The following CDHR5 variants were observed in gnomAD, a reference collection of about 807,000 sequenced individuals.
The protein encoded by CDHR5 is cadherin-related family member 5.
In CDHR5, 82 loss-of-function variants were observed where a neutral mutation model predicts 69.5. The ratio of observed to expected loss-of-function variants is 1.18; its 90% CI spans 0.99 to 1.42. The LOEUF is 1.42. Ranked by LOEUF, CDHR5 falls within the 40% of genes most tolerant of loss-of-function variation. CDHR5 has a pLI of 0.00. For missense variants in CDHR5, 1,293 were observed against 1,168.9 expected (o/e 1.11, Z -1.55); for synonymous variants, 601 against 510.2 (o/e 1.18, Z -2.40).
rs1053842739 is a variant in CDHR5, at chr11:621,036, C to A, written c.789+44G>T. 2.8e-6 allele frequency: 4 copies of A among 1,437,524 alleles called. No individual in the cohort carries two copies. In the African/African-American group the frequency reaches 4.3e-5, roughly 15 times the overall value. 89.0% of individuals were successfully genotyped at this position (1,437,524 alleles called of 1,614,324 possible). On this transcript the variant is annotated intron_variant, in intron 7 of 14. Coordinates refer to ENST00000397542, the MANE Select transcript of CDHR5 (RefSeq NM_021924.5). The surrounding 1 kb of genome is among the most constrained non-coding windows in gnomAD (Gnocchi z 4.4). ...CCTGGCCGTCCCTGTGTCCAGCCTG[C>A]CTAGAAGGCCCTGCCCCGTGCACTG...
chr11:617,648 G>A lies in CDHR5; in HGVS notation c.2241C>T (p.Pro747=), dbSNP rs746623032. The A allele has an allele frequency of 1.6e-5, 24 of 1,537,864 alleles. No individual in the cohort carries two copies. The highest frequency in any genetic ancestry group is 3.6e-5 in the South Asian group (3 of 83,262). Residue 747 remains proline, a synonymous_variant, in exon 15 of 15, where the codon CCC becomes CCT. Coordinates refer to ENST00000397542, the MANE Select transcript of CDHR5 (RefSeq NM_021924.5). The part of the protein sequence containing the change: ...KPAEAPMPAE[P]APPGPASPGG... Reference sequence around the variant, plus strand: ...CTGGGGAGGCAGGGCCGGGGGGTGCGGGCTCTGCGGGCATCGGTGCCTCCG... The same window carrying A: ...CTGGGGAGGCAGGGCCGGGGGGTGCAGGCTCTGCGGGCATCGGTGCCTCCG...
Position 618,834 on chromosome 11 carries a change from C to A in CDHR5, c.1725G>T (p.Glu575Asp), listed in dbSNP as rs760034778. 6.2e-7 allele frequency: 1 copy of A among 1,610,292 alleles called. No individual in the cohort carries two copies. The highest frequency in any genetic ancestry group is 1.7e-5 in the Admixed American group (1 of 59,450). Reference sequence around the variant, plus strand: ...GGGGCATCGGCTGAGAGGTTCCTGGCTCTGGGGTCTGTGCTGTGCCCCCAC... The same window carrying A: ...GGGGCATCGGCTGAGAGGTTCCTGGATCTGGGGTCTGTGCTGTGCCCCCAC... The part of the protein sequence containing the change: ...TPSGGTAQTP[E>D]PGTSQPMPPS... Residue 575 changes from glutamate to aspartate, a missense_variant, in exon 13 of 15, where the codon GAG becomes GAT. Transcript: ENST00000397542.
chr11:618,473 C>T, intron 13 of CDHR5, 126 bp downstream of exon 13: 3 of 1,193,582 alleles, frequency 2.5e-6, no homozygotes, highest in South Asian at 2.9e-5. Flanking sequence ...CTGTCAGTCC[C>T]AAACAGACTC....
At position 619,171 on chromosome 11, in the gene CDHR5, G is replaced by A. The variant is rs767454065; in HGVS notation, c.1388C>T (p.Pro463Leu). The A allele has an allele frequency of 1.3e-6, 2 of 1,542,264 alleles. No homozygotes were observed. The highest frequency in any genetic ancestry group is 2.0e-5 in the Admixed American group (1 of 49,494). Reference protein sequence around the residue: ...EQEPPSTDVPPSPEAGGTTGP... With the variant: ...EQEPPSTDVPLSPEAGGTTGP... The stretch of plus-strand genomic sequence containing the variant: ...AGTTGTTCCTCCAGCCTCTGGGGAT[G>A]GGGGGACATCTGGGGGCCGGGAACA... Residue 463 changes from proline to leucine, a missense_variant, in exon 13 of 15, where the codon CCA becomes CTA. Pro to Leu is a moderately conservative substitution (Grantham distance 98, BLOSUM62 -3). Transcript: ENST00000397542.
chr11:619,923 T>C, intron 9 of CDHR5, 42 bp from the exon 10 acceptor site: 1 of 1,483,372 alleles, frequency 6.7e-7, no homozygotes, highest in African/African-American at 1.4e-5. Flanking sequence ...GGGTTGAAGG[T>C]GGAGCTGGCG....
chr11:617,626 G>A lies in CDHR5; in HGVS notation c.2263C>T (p.Pro755Ser), dbSNP rs1485037364. 18 of 1,588,474 alleles carry A rather than the reference G, an allele frequency of 1.1e-5. No individual in the cohort carries two copies. The highest frequency in any genetic ancestry group is 1.4e-5 in the Non-Finnish European group (16 of 1,168,260). Residue 755 changes from proline to serine, a missense_variant, in exon 15 of 15, where the codon CCA (proline) becomes TCA (serine). By Grantham distance (74) the Pro-to-Ser change is moderately conservative. Transcript: ENST00000397542. ...GCGGGGGGCTCAGGGGCACCGCCTG[G>A]GGAGGCAGGGCCGGGGGGTGCGGGC... ...AEPAPPGPASPGGAPEPPAAA... is the reference protein window; with the variant it reads ...AEPAPPGPASSGGAPEPPAAA...
In CDHR5 at chr11:621,855, G is replaced by T. The variant is rs113739878; in HGVS notation, c.362C>A (p.Ala121Asp). Residue 121 changes from alanine (A) to aspartate (D), a missense_variant, in exon 4 of 15, where the codon GCC becomes GAC. Transcript: ENST00000397542. This position sits in a 1 kb window ranked among gnomAD's most constrained non-coding sequence, Gnocchi z 4.4. ...CTTGGTCTTAAAGGGGAATTCGGGGGCATTGTCATTGACGTCCAGCACTGA... is the reference window on the plus strand; with the variant it reads ...CTTGGTCTTAAAGGGGAATTCGGGGTCATTGTCATTGACGTCCAGCACTGA... ...FVSVLDVNDN[A>D]PEFPFKTKEI... 5.0e-6 allele frequency: 8 copies of T among 1,613,596 alleles called. No individual in the cohort carries two copies. The African/African-American group carries it at 1.1e-4, about 22-fold the overall frequency.
At chr11:620,046 C>A (rs1453296531) in intron 9 of CDHR5, 21 bp downstream of exon 9, 1 of 1,568,224 alleles carries the variant, frequency 6.4e-7, no homozygotes. Flanking sequence ...GCCCTGCCCC[C>A]CATGCAGGTG....
In CDHR5 at chr11:624,077, T is replaced by C. The variant is rs1857570602; in HGVS notation, c.312+136A>G. Reference sequence around the variant, plus strand: ...AGGGCAGAGTCTGGACTGGAGGAAATGTGGGCATCACCCTCGGGGGGGTGG... The same window carrying C: ...AGGGCAGAGTCTGGACTGGAGGAAACGTGGGCATCACCCTCGGGGGGGTGG... On this transcript the variant is annotated intron_variant, in intron 3 of 14. Coordinates refer to ENST00000397542, the MANE Select transcript of CDHR5 (RefSeq NM_021924.5). This position sits in a 1 kb window ranked among gnomAD's most constrained non-coding sequence, Gnocchi z 5.3. The C allele has an allele frequency of 1.5e-6, 1 of 649,354 alleles. No homozygotes were observed. The highest frequency in any genetic ancestry group is 2.8e-6 in the Non-Finnish European group (1 of 353,970). 40.2% of individuals were successfully genotyped at this position (649,354 alleles called of 1,614,324 possible).
intron 9 of CDHR5, 46 bp from the exon 10 acceptor site, chr11:619,927 G>T: frequency 6.8e-7 from 1 of 1,476,318 alleles, no homozygotes; most frequent in Non-Finnish European, 9.1e-7. Flanking sequence ...TGAAGGTGGA[G>T]CTGGCGCTGA....
At position 620,285 on chromosome 11, in the gene CDHR5, G is replaced by A. The variant is rs200593478; in HGVS notation, c.880+11C>T. 2 of 1,606,148 alleles carry A rather than the reference G, an allele frequency of 1.2e-6. No homozygotes were observed. The highest frequency in any genetic ancestry group is 2.2e-5 in the East Asian group (1 of 44,812). ...GGTACAGGGCATTGTTGAGGGCTGG[G>A]CCCCACTCACCCCTAAAGATGCTGT... is the stretch of plus-strand genomic sequence containing the variant. On this transcript the variant is annotated intron_variant, in intron 8 of 14. Coordinates refer to ENST00000397542, the MANE Select transcript of CDHR5 (RefSeq NM_021924.5).
In CDHR5 at chr11:620,154, A is replaced by G; in HGVS notation, c.891T>C (p.Asn297=). ...IIYSIFRGNV[N]GTFIIHPDSG... ...AGTCTGGGTGGATGATGAATGTACC[A>G]TTCACGTTTCCTGGGAGGATGATGG... is the stretch of plus-strand genomic sequence containing the variant. Residue 297 remains asparagine (N), a synonymous_variant, in exon 9 of 15, where the codon AAT becomes AAC. Coordinates refer to ENST00000397542, the MANE Select transcript of CDHR5 (RefSeq NM_021924.5). The G allele has an allele frequency of 6.2e-7, 1 of 1,613,128 alleles. No individual in the cohort carries two copies. The highest frequency in any genetic ancestry group is 1.1e-5 in the South Asian group (1 of 91,018).
Position 624,714 on chromosome 11 carries a change from T to G in CDHR5, c.104A>C (p.Asp35Ala), listed in dbSNP as rs771873136. The stretch of plus-strand genomic sequence containing the variant: ...TGTGTTCTCCTCTACTTCAAAGATG[T>G]CCTTGTTCACAGAGCAGTCTGTAAG... ...AQAQYCSVNKDIFEVEENTNV... is the reference protein window; with the variant it reads ...AQAQYCSVNKAIFEVEENTNV... The change falls in exon 2 of 15, where the codon GAC becomes GCC. Residue 35 changes from aspartate (D) to alanine (A), a missense_variant. Coordinates refer to ENST00000397542, the MANE Select transcript of CDHR5 (RefSeq NM_021924.5). This position sits in a 1 kb window ranked among gnomAD's most constrained non-coding sequence, Gnocchi z 5.3. The G allele has an allele frequency of 1.2e-6, 2 of 1,609,660 alleles. No homozygotes were observed. The highest frequency in any genetic ancestry group is 1.3e-5 in the African/African-American group (1 of 74,838).
chr11:617,807 G>T (rs1196062205), intron 14 of CDHR5, 37 bp from the exon 15 acceptor site: 5 of 1,454,200 alleles, frequency 3.4e-6, no homozygotes, highest in African/African-American at 1.4e-5. Context: ...GGGGTCCCTG[G>T]GTCTCTGCAG....
At position 621,395 on chromosome 11, in the gene CDHR5, G is replaced by A. The variant is rs201504740; in HGVS notation, c.568C>T (p.Pro190Ser). 1.2e-6 allele frequency: 2 copies of A among 1,612,976 alleles called. No homozygotes were observed. Among genetic ancestry groups the A allele is most frequent in the Non-Finnish European group, 8.5e-7 (1 of 1,180,006 alleles). ...VNRPALRLDR[P>S]LDFYERPNMT... ...TTCGGCCGCTCGTAGAAGTCCAGGG[G>A]CCGGTCCAGCCTCAGGGCGGGACGG... The change falls in exon 6 of 15, where the codon CCC (proline) becomes TCC (serine). Residue 190 changes from proline to serine, a missense_variant. Pro to Ser is a moderately conservative substitution (Grantham distance 74, BLOSUM62 -1). Coordinates refer to ENST00000397542, the MANE Select transcript of CDHR5 (RefSeq NM_021924.5). This position sits in a 1 kb window ranked among gnomAD's most constrained non-coding sequence, Gnocchi z 4.4.
intron 3 of CDHR5, among the ~76,000 whole-genome samples, 177 bp from the exon 4 acceptor site, chr11:622,081 C>T (rs2133209703): frequency 6.6e-6 from 1 of 151,870 alleles, no homozygotes; most frequent in Non-Finnish European, 1.5e-5. Context: ...GAGGTGCACC[C>T]CTCAACGGCC....
In CDHR5 at chr11:619,818, C is replaced by G. The variant is rs1857256215; in HGVS notation, c.1042G>C (p.Ala348Pro). Residue 348 changes from alanine (A) to proline (P), a missense_variant, in exon 10 of 15, where the codon GCC (alanine) becomes CCC (proline). By Grantham distance (27) the Ala-to-Pro change is conservative (BLOSUM62 -1). Coordinates refer to ENST00000397542, the MANE Select transcript of CDHR5 (RefSeq NM_021924.5). ...TQVTVEAVAA[A>P]GSPPRFPQRL... ...TGGGGGAAGCGGGGCGGGCTCCCGG[C>G]CGCAGCCACAGCCTCCACGGTGACC... 6.3e-7 allele frequency: 1 copy of G among 1,580,874 alleles called. No individual in the cohort carries two copies. Among genetic ancestry groups the G allele is most frequent in the Non-Finnish European group, 8.6e-7 (1 of 1,167,300 alleles).
At position 617,592 on chromosome 11, in the gene CDHR5, C is replaced by T. The variant is rs754352880; in HGVS notation, c.2297G>A (p.Arg766Gln). The T allele has an allele frequency of 9.3e-6, 15 of 1,607,738 alleles. No individual in the cohort carries two copies. Among genetic ancestry groups the T allele is most frequent in the East Asian group, 6.7e-5 (3 of 44,712 alleles). Residue 766 changes from arginine to glutamine, a missense_variant, in exon 15 of 15, where the codon CGA becomes CAA. Coordinates refer to ENST00000397542, the MANE Select transcript of CDHR5 (RefSeq NM_021924.5). ...CACCGCCGTGGGGCTTCCGCCAGCT[C>T]GGGCCGCTGCGGGGGGCTCAGGGGC... ...GGAPEPPAAARAGGSPTAVRS... is the reference protein window; with the variant it reads ...GGAPEPPAAAQAGGSPTAVRS...
intron 13 of CDHR5, 50 bp downstream of exon 13, chr11:618,549 A>T: frequency 6.2e-7 from 1 of 1,602,068 alleles, no homozygotes. Context: ...CGTTTCCCAT[A>T]CCAGCCAATG....
Sources: allele counts gnomAD v4.1 joint callset (sites outside exome capture counted in the v4.1 genomes callset), GRCh38; gene constraint gnomAD v4.1.1; non-coding constraint Gnocchi (gnomAD v3.1); transcripts MANE v1.5; gene names NCBI Gene and HGNC (gene_info 2026-07-23, HGNC 2026-07-21).